Variants in ROBO2 observed in about 807,000 individuals in gnomAD.
ROBO2 encodes the protein roundabout guidance receptor 2.
ROBO2 carries 53 observed loss-of-function variants against 160.8 expected under a neutral mutation model. That is an observed-to-expected ratio of 0.33 (90% CI 0.26 to 0.41). ROBO2 has a LOEUF of 0.41. Among genes scored for constraint, ROBO2 ranks in the 10% least tolerant of loss-of-function variants. ROBO2 has a pLI of 1.00. For synonymous variants in ROBO2, 664 were observed against 611.7 expected (o/e 1.09, Z -1.26); for missense variants, 1,577 against 1,722.4 (o/e 0.92, Z 1.49).
chr3:77,178,051 C>T (rs2080327730), intron 2 of ROBO2, among the ~76,000 whole-genome samples: 1 of 151,898 alleles, frequency 6.6e-6, no homozygotes, highest in Non-Finnish European at 1.5e-5. Flanking sequence ...TACTGAACTT[C>T]CTGGGGAAAG....
chr3:76,478,971 C>T (rs1191298868), intron 2 of ROBO2, among the ~76,000 whole-genome samples: 1 of 152,056 alleles, frequency 6.6e-6, no homozygotes, highest in Non-Finnish European at 1.5e-5. Context: ...CCTAACTTCA[C>T]ACACTGTTAA....
chr3:77,563,251 A>C (rs745860813), exon 11 of ROBO2: 2 of 1,613,586 alleles, frequency 1.2e-6, no homozygotes, highest in Admixed American at 1.7e-5. Flanking sequence ...GATGTTACTA[A>C]GAACAGTGTC....
chr3:77,459,778 A>G (rs770864598), intron 2 of ROBO2, among the ~76,000 whole-genome samples: 3 of 152,016 alleles, frequency 2.0e-5, no homozygotes, highest in Non-Finnish European at 4.4e-5. Context: ...TAGAAACAAG[A>G]CCCAAGGAAG....
intron 2 of ROBO2, among the ~76,000 whole-genome samples, chr3:76,169,597 A>G (rs932191285): frequency 2.6e-5 from 4 of 152,178 alleles, no homozygotes; most frequent in African/African-American, 7.2e-5. Context: ...GAAATAATGT[A>G]TCTCTCTGCC....
chr3:76,498,349 A>G (rs2080267280), intron 2 of ROBO2, among the ~76,000 whole-genome samples: 1 of 152,094 alleles, frequency 6.6e-6, no homozygotes. Flanking sequence ...ACAAAACTTT[A>G]GTTAGATAGG....
intron 2 of ROBO2, among the ~76,000 whole-genome samples, chr3:76,884,016 A>G (rs1159341090): frequency 6.6e-6 from 1 of 152,158 alleles, no homozygotes; most frequent in African/African-American, 2.4e-5. Flanking sequence ...ACATTTATCA[A>G]TCCTCTGTAT....
At chr3:76,487,482 CT>C (rs1467271845) in intron 2 of ROBO2, among the ~76,000 whole-genome samples, 1 of 152,136 alleles carries the variant, frequency 6.6e-6, no homozygotes, top group Non-Finnish European at 1.5e-5. Flanking sequence ...ATAAATGAAT[CT>C]TCTAATACTT....
intron 2 of ROBO2, among the ~76,000 whole-genome samples, chr3:76,152,155 T>C (rs1399742292): frequency 6.6e-6 from 1 of 152,198 alleles, no homozygotes; most frequent in African/African-American, 2.4e-5. Context: ...TCCAGGGTTA[T>C]GATGCCCCAG....
chr3:76,155,450 C>G (rs1433013255), intron 2 of ROBO2, among the ~76,000 whole-genome samples: 1 of 152,120 alleles, frequency 6.6e-6, no homozygotes, highest in Admixed American at 6.5e-5. Context: ...AAAGATAGAA[C>G]AAAGTTTACA....
intron 2 of ROBO2, among the ~76,000 whole-genome samples, chr3:76,540,859 G>A (rs867896188): frequency 2.5e-4 from 38 of 151,942 alleles, no homozygotes; most frequent in African/African-American, 9.0e-4. Context: ...GAGTGCAGTG[G>A]TGAGATCTTA....
At chr3:76,105,392 T>A (rs2069878540) in intron 2 of ROBO2, among the ~76,000 whole-genome samples, 1 of 152,166 alleles carries the variant, frequency 6.6e-6, no homozygotes, top group Non-Finnish European at 1.5e-5. Flanking sequence ...AAATGGAACA[T>A]GTTGAACTGT....
At chr3:77,490,714 A>T (rs145507823) in intron 4 of ROBO2, among the ~76,000 whole-genome samples, 310 of 152,194 alleles carry the variant, frequency 2.0e-3, no homozygotes, top group Non-Finnish European at 3.3e-3. Flanking sequence ...CCACACTCAC[A>T]CACAATCCAT....
chr3:76,428,055 T>C (rs1383861102), intron 2 of ROBO2, among the ~76,000 whole-genome samples: 3 of 152,212 alleles, frequency 2.0e-5, no homozygotes, highest in African/African-American at 7.2e-5. Context: ...TGCTGTGAAA[T>C]GGATGACTTT....
chr3:76,315,832 T>C (rs1414999926), intron 2 of ROBO2, among the ~76,000 whole-genome samples: 2 of 152,146 alleles, frequency 1.3e-5, no homozygotes, highest in Non-Finnish European at 2.9e-5. Flanking sequence ...TAACTTAATA[T>C]TGGGGGAACC....
At chr3:76,735,386 T>G (rs2093692235) in intron 2 of ROBO2, among the ~76,000 whole-genome samples, 2 of 152,076 alleles carry the variant, frequency 1.3e-5, no homozygotes, top group African/African-American at 4.8e-5. Context: ...AGCAAAACAT[T>G]GTGTATTCAT....
chr3:76,979,791 C>T (rs536717048), intron 2 of ROBO2, among the ~76,000 whole-genome samples: 1 of 152,006 alleles, frequency 6.6e-6, no homozygotes, highest in South Asian at 2.1e-4. Context: ...ATCTTAGTTT[C>T]CCTATGCATT....
At chr3:76,811,572 C>T (rs1269928311) in intron 2 of ROBO2, among the ~76,000 whole-genome samples, 1 of 152,066 alleles carries the variant, frequency 6.6e-6, no homozygotes, top group Admixed American at 6.6e-5. Context: ...CCCATAACTA[C>T]AAGTTTTGGT....
chr3:76,100,250 T>A (rs1045941155), intron 2 of ROBO2, among the ~76,000 whole-genome samples: 1 of 152,202 alleles, frequency 6.6e-6, no homozygotes, highest in Non-Finnish European at 1.5e-5. Flanking sequence ...AGAAAAATAT[T>A]GTGATTGATT....
At chr3:77,527,255 A>G (rs991663936) in intron 6 of ROBO2, 148 bp from the exon 7 acceptor site, 1 of 396,158 alleles carries the variant, frequency 2.5e-6, no homozygotes, top group African/African-American at 2.1e-5. Context: ...AGACTCAGAC[A>G]TCTTGGTCAT....
Sources: gnomAD v4.1 joint callset for allele counts (sites outside exome capture counted in the v4.1 genomes callset) on GRCh38, gnomAD v4.1.1 for gene constraint, MANE v1.5 for transcripts, NCBI Gene and HGNC (gene_info 2026-07-23, HGNC 2026-07-21) for gene names.